The following ST6GALNAC3 variants were observed in gnomAD, a reference collection of about 807,000 sequenced individuals.
ST6GALNAC3 encodes ST6 N-acetylgalactosaminide alpha-2,6-sialyltransferase 3, also known as alpha-N-acetylgalactosaminide alpha-2,6-sialyltransferase 3.
ST6GALNAC3 carries 25 observed loss-of-function variants against 32.7 expected under a neutral mutation model. The ratio of observed to expected loss-of-function variants is 0.76; its 90% CI spans 0.56 to 1.07. The LOEUF is 1.07. ST6GALNAC3 is among the 50% of genes least tolerant of loss of function. ST6GALNAC3 has a pLI of 0.00. For synonymous variants in ST6GALNAC3, 129 were observed against 133.1 expected, an observed-to-expected ratio of 0.97 and a Z score of 0.21; for missense variants, 355 against 382.4, an observed-to-expected ratio of 0.93 and a Z score of 0.60.
At chr1:76,236,985 A>C (rs1398624396) in intron 1 of ST6GALNAC3, among the ~76,000 whole-genome samples, 1 of 152,186 alleles carries the variant, frequency 6.6e-6, no homozygotes, top group Non-Finnish European at 1.5e-5. Flanking sequence ...TCCCAGTCCA[A>C]TAAAACCTTG....
chr1:76,281,038 CTTACTA>C (rs1378078219), intron 1 of ST6GALNAC3, among the ~76,000 whole-genome samples: 4 of 152,256 alleles, frequency 2.6e-5, no homozygotes, highest in East Asian at 3.9e-4. Flanking sequence ...CTTTTGAGTA[CTTACTA>C]TTACTATCTC....
chr1:76,230,983 T>G (rs1333062861), intron 1 of ST6GALNAC3, among the ~76,000 whole-genome samples: 1 of 152,230 alleles, frequency 6.6e-6, no homozygotes, highest in African/African-American at 2.4e-5. Flanking sequence ...CCTCCTTCTG[T>G]GAGGGAAGTC....
At chr1:76,477,888 A>C (rs1219442750) in intron 3 of ST6GALNAC3, among the ~76,000 whole-genome samples, 1 of 152,182 alleles carries the variant, frequency 6.6e-6, no homozygotes, top group Non-Finnish European at 1.5e-5. Flanking sequence ...AGGTGCCTCC[A>C]AGGATCTTAC....
intron 3 of ST6GALNAC3, among the ~76,000 whole-genome samples, chr1:76,613,152 A>C (rs1282164196): frequency 2.6e-5 from 4 of 152,154 alleles, no homozygotes; most frequent in South Asian, 4.1e-4. Flanking sequence ...TAATTTTCTG[A>C]GAGTTTGCTT....
intron 2 of ST6GALNAC3, among the ~76,000 whole-genome samples, chr1:76,335,788 T>C (rs2100974722): frequency 6.6e-6 from 1 of 152,238 alleles, no homozygotes; most frequent in Non-Finnish European, 1.5e-5. Context: ...AACAAATGAA[T>C]ATCTCTTACG....
rs759680532 is a variant in ST6GALNAC3 at position 76,313,862 on chromosome 1, C to T, written c.76C>T (p.Arg26Cys). 2.0e-5 allele frequency: 32 copies of T among 1,613,414 alleles called. No homozygotes were observed. The East Asian group carries it at 3.6e-4, about 18-fold the overall frequency. ...IAAFLFLLVV[R>C]LVNEVNFPLL... The stretch of plus-strand genomic sequence containing the variant: ...AGCGTTCCTTTTCCTGCTGGTTGTG[C>T]GTCTTGTAAATGAAGTGAATTTCCC... The change falls in exon 2 of 5, where the codon CGT becomes TGT. Residue 26 changes from arginine to cysteine, a missense_variant. Arg to Cys is a radical substitution (Grantham distance 180). Transcript: ENST00000328299.
intron 2 of ST6GALNAC3, among the ~76,000 whole-genome samples, chr1:76,391,969 ATTTC>A (rs1052139733): frequency 6.6e-6 from 1 of 152,148 alleles, no homozygotes; most frequent in Admixed American, 6.5e-5. Context: ...ACTTATTAGA[ATTTC>A]TTTCTATCTT....
intron 3 of ST6GALNAC3, among the ~76,000 whole-genome samples, chr1:76,448,248 T>C (rs148877175): frequency 8.3e-4 from 126 of 152,294 alleles, no homozygotes; most frequent in Non-Finnish European, 1.5e-3. Context: ...CTTTAGCACC[T>C]TGGTTTTGGC....
intron 1 of ST6GALNAC3, among the ~76,000 whole-genome samples, chr1:76,287,943 C>G (rs533897574): frequency 6.6e-6 from 1 of 152,266 alleles, no homozygotes; most frequent in East Asian, 1.9e-4. Context: ...GTCCAAGGTC[C>G]TAGAGTTTGT....
intron 2 of ST6GALNAC3, among the ~76,000 whole-genome samples, chr1:76,370,274 T>C (rs1359381818): frequency 6.6e-6 from 1 of 152,186 alleles, no homozygotes; most frequent in African/African-American, 2.4e-5. Flanking sequence ...ATACAGGAAC[T>C]GACAACTATG....
intron 2 of ST6GALNAC3, among the ~76,000 whole-genome samples, chr1:76,343,372 C>T (rs752548622): frequency 2.0e-5 from 3 of 152,042 alleles, no homozygotes; most frequent in Admixed American, 6.6e-5. Context: ...ACTTTTATGT[C>T]AGTTCAGGAA....
At chr1:76,588,512 T>TATCCTGTAATTTTACAGTGCCATGGACGC (rs1646998132) in intron 3 of ST6GALNAC3, among the ~76,000 whole-genome samples, 3 of 152,228 alleles carry the variant, frequency 2.0e-5, no homozygotes, top group African/African-American at 7.2e-5. Context: ...ATGGACAGGA[T>TATCCTGTAATTTTACAGTGCCATGGACGC]ACTGTAAATC....
chr1:76,533,555 C>T (rs901121644), intron 3 of ST6GALNAC3, among the ~76,000 whole-genome samples: 7 of 152,128 alleles, frequency 4.6e-5, no homozygotes, highest in African/African-American at 1.7e-4. Context: ...TCTGAGGATT[C>T]CCCTAAGAGA....
intron 2 of ST6GALNAC3, among the ~76,000 whole-genome samples, chr1:76,343,829 ATG>A (rs1648267982): frequency 6.6e-6 from 1 of 152,228 alleles, no homozygotes; most frequent in Non-Finnish European, 1.5e-5. Context: ...CTTCCATTAT[ATG>A]ATAAACATGC....
At chr1:76,274,512 T>A (rs1365988017) in intron 1 of ST6GALNAC3, among the ~76,000 whole-genome samples, 1 of 152,130 alleles carries the variant, frequency 6.6e-6, no homozygotes, top group Admixed American at 6.5e-5. Context: ...TCATTTCACA[T>A]CAGGAATCCA....
At chr1:76,203,080 T>C (rs973186815) in intron 1 of ST6GALNAC3, among the ~76,000 whole-genome samples, 1 of 152,140 alleles carries the variant, frequency 6.6e-6, no homozygotes, top group Admixed American at 6.6e-5. Context: ...CAAAAGTCAA[T>C]TATGTACAAG....
chr1:76,108,387 C>A (rs1352576679), intron 1 of ST6GALNAC3, among the ~76,000 whole-genome samples: 1 of 152,180 alleles, frequency 6.6e-6, no homozygotes, highest in East Asian at 1.9e-4. Flanking sequence ...ATTCACAGAT[C>A]CTTTGAAGCC....
chr1:76,090,262 G>T (rs559851903), intron 1 of ST6GALNAC3, among the ~76,000 whole-genome samples: 197 of 152,296 alleles, frequency 1.3e-3, no homozygotes, highest in African/African-American at 4.2e-3. Flanking sequence ...ACTTTTCTTT[G>T]ATGTTAAGAA....
chr1:76,352,346 C>T (rs1214389002), intron 2 of ST6GALNAC3, among the ~76,000 whole-genome samples: 1 of 146,644 alleles, frequency 6.8e-6, no homozygotes, highest in Admixed American at 6.7e-5. Context: ...ACCGTCTGTC[C>T]AACTTGACTA....
Sources: gnomAD v4.1 joint callset for allele counts (sites outside exome capture counted in the v4.1 genomes callset) on GRCh38, gnomAD v4.1.1 for gene constraint, MANE v1.5 for transcripts, NCBI Gene and HGNC (gene_info 2026-07-23, HGNC 2026-07-21) for gene names.